ROBO1: variants seen among roughly 807,000 people sequenced by gnomAD.
ROBO1 encodes the protein roundabout homolog 1.
A neutral mutation model predicts 195.9 loss-of-function variants in ROBO1; 149 were observed. That is an observed-to-expected ratio of 0.76 (90% CI 0.67 to 0.87). The LOEUF is 0.87. ROBO1 is among the 40% of genes least tolerant of loss of function. The probability of loss-of-function intolerance (pLI) is 0.00; values close to 1 mark genes in which losing one functional copy is unlikely to be tolerated. For synonymous variants in ROBO1, 816 were observed against 733.2 expected (o/e 1.11, Z -1.82); for missense variants, 1,933 against 2,068.3 (o/e 0.93, Z 1.27).
intron 4 of ROBO1, among the ~76,000 whole-genome samples, chr3:78,839,303 G>T (rs530863758): frequency 6.6e-6 from 1 of 152,068 alleles, no homozygotes; most frequent in Non-Finnish European, 1.5e-5. Flanking sequence ...TCCGTATAAT[G>T]ATGTATAATG....
chr3:78,752,463 G>A (rs1237506788), intron 4 of ROBO1, among the ~76,000 whole-genome samples: 1 of 152,066 alleles, frequency 6.6e-6, no homozygotes, highest in Non-Finnish European at 1.5e-5. Flanking sequence ...TTTGAATTAA[G>A]AGATAAATTT....
At chr3:78,945,871 T>C (rs2040409027) in intron 3 of ROBO1, among the ~76,000 whole-genome samples, 1 of 151,834 alleles carries the variant, frequency 6.6e-6, no homozygotes, top group Non-Finnish European at 1.5e-5. Flanking sequence ...ACGTGACAAC[T>C]GTAGAAGCCT....
At chr3:79,455,871 ACT>A (rs2039604279) in intron 2 of ROBO1, among the ~76,000 whole-genome samples, 2 of 152,100 alleles carry the variant, frequency 1.3e-5, no homozygotes, top group Non-Finnish European at 2.9e-5. Flanking sequence ...GAAACATGAC[ACT>A]CTGTAAAATA....
chr3:78,995,076 A>G (rs1480863124), intron 3 of ROBO1, among the ~76,000 whole-genome samples: 1 of 152,114 alleles, frequency 6.6e-6, no homozygotes, highest in African/African-American at 2.4e-5. Flanking sequence ...TCTGTAGTGC[A>G]CCTTATACTT....
At chr3:79,137,753 A>T (rs908218341) in intron 2 of ROBO1, among the ~76,000 whole-genome samples, 16 of 151,848 alleles carry the variant, frequency 1.1e-4, no homozygotes, top group Non-Finnish European at 2.1e-4. Context: ...ATTATTTCTG[A>T]CTCCAAAGCA....
intron 1 of ROBO1, among the ~76,000 whole-genome samples, chr3:79,763,709 C>G (rs1047509024): frequency 1.3e-4 from 20 of 152,228 alleles, no homozygotes; most frequent in African/African-American, 4.6e-4. Flanking sequence ...AGAGATGATA[C>G]AGGCAGGGTG....
At chr3:79,146,375 C>A (rs148213454) in intron 2 of ROBO1, among the ~76,000 whole-genome samples, 288 of 152,046 alleles carry the variant, frequency 1.9e-3, no homozygotes, top group Non-Finnish European at 3.3e-3. Flanking sequence ...CCCATCAATT[C>A]TATCAGCTAT....
At chr3:79,602,394 C>T (rs923151728) in intron 1 of ROBO1, among the ~76,000 whole-genome samples, 2 of 151,910 alleles carry the variant, frequency 1.3e-5, no homozygotes, top group Admixed American at 1.3e-4. Flanking sequence ...TTCTAGAAGC[C>T]AAGGGTTTTT....
chr3:79,670,824 G>T (rs2106900031), intron 1 of ROBO1, among the ~76,000 whole-genome samples: 1 of 151,908 alleles, frequency 6.6e-6, no homozygotes, highest in South Asian at 2.1e-4. Flanking sequence ...AAGTCATTTA[G>T]GACCCAAGTC....
At chr3:79,010,932 T>C (rs1461091795) in intron 3 of ROBO1, among the ~76,000 whole-genome samples, 1 of 152,190 alleles carries the variant, frequency 6.6e-6, no homozygotes, top group Non-Finnish European at 1.5e-5. Context: ...TTCATTCATT[T>C]TAGAAAGTGG....
intron 4 of ROBO1, among the ~76,000 whole-genome samples, chr3:78,899,514 G>C (rs1365048162): frequency 2.0e-5 from 3 of 152,066 alleles, no homozygotes; most frequent in Non-Finnish European, 4.4e-5. Flanking sequence ...ATTTGTGTTA[G>C]GCAATGTCTA....
At chr3:78,616,664 T>C (rs1704132387) in intron 27 of ROBO1, among the ~76,000 whole-genome samples, 1 of 152,134 alleles carries the variant, frequency 6.6e-6, no homozygotes, top group Non-Finnish European at 1.5e-5. Flanking sequence ...TGACTTGTTG[T>C]GATGGCCTTT....
At chr3:78,911,031 G>C (rs372050558) in intron 4 of ROBO1, among the ~76,000 whole-genome samples, 4 of 152,072 alleles carry the variant, frequency 2.6e-5, no homozygotes, top group African/African-American at 9.6e-5. Context: ...TGCTGTTCTA[G>C]ACTTCAAGAA....
intron 4 of ROBO1, among the ~76,000 whole-genome samples, chr3:78,830,960 T>C (rs977490145): frequency 2.0e-5 from 3 of 152,140 alleles, no homozygotes; most frequent in African/African-American, 7.2e-5. Flanking sequence ...TCACCCAGGC[T>C]GGAGTGCAAT....
intron 4 of ROBO1, among the ~76,000 whole-genome samples, chr3:78,847,713 G>A (rs2033764096): frequency 6.6e-6 from 1 of 152,076 alleles, no homozygotes; most frequent in African/African-American, 2.4e-5. Context: ...TTATTTTAAA[G>A]ATAAGGGCCC....
chr3:78,901,271 C>A (rs79922123), intron 4 of ROBO1, among the ~76,000 whole-genome samples: 1,822 of 152,230 alleles, frequency 0.012, 33 homozygotes, highest in African/African-American at 0.042. Context: ...GCCACACCTG[C>A]AAATATTAGG....
At chr3:79,597,870 A>C (rs1314417822) in intron 1 of ROBO1, among the ~76,000 whole-genome samples, 1 of 152,094 alleles carries the variant, frequency 6.6e-6, no homozygotes, top group Non-Finnish European at 1.5e-5. Flanking sequence ...GGAGTTGCAG[A>C]AGTAAGGAAA....
chr3:78,722,810 T>C (rs1293851915), intron 5 of ROBO1, among the ~76,000 whole-genome samples: 1 of 152,142 alleles, frequency 6.6e-6, no homozygotes, highest in Non-Finnish European at 1.5e-5. Flanking sequence ...TTAGCCAAGA[T>C]ATTAGTTCCT....
At chr3:79,760,613 C>A (rs1347953525) in intron 1 of ROBO1, among the ~76,000 whole-genome samples, 11 of 144,010 alleles carry the variant, frequency 7.6e-5, no homozygotes, top group African/African-American at 1.0e-4. Flanking sequence ...CAATTCACAG[C>A]AAAAAAAAAA....
Sources: gnomAD v4.1 joint callset for allele counts (sites outside exome capture counted in the v4.1 genomes callset) on GRCh38, gnomAD v4.1.1 for gene constraint, MANE v1.5 for transcripts, NCBI Gene and HGNC (gene_info 2026-07-23, HGNC 2026-07-21) for gene names.